WASF1: variants seen among roughly 807,000 people sequenced by gnomAD.
WASF1 encodes the protein actin-binding protein WASF1.
In WASF1, 7 loss-of-function variants were observed where a neutral mutation model predicts 50.5. That is an observed-to-expected ratio of 0.14 (90% CI 0.08 to 0.26). WASF1 has a LOEUF of 0.26. WASF1 is among the 10% of genes least tolerant of loss of function. The pLI is 1.00. For missense variants in WASF1, 470 were observed against 694.7 expected (o/e 0.68, Z 3.64); for synonymous variants, 205 against 244.0 (o/e 0.84, Z 1.49).
At chr6:110,164,887 G>T (rs531467497) in intron 2 of WASF1, among the ~76,000 whole-genome samples, 4 of 151,706 alleles carry the variant, frequency 2.6e-5, no homozygotes, top group East Asian at 1.9e-4. Flanking sequence ...ATCAAGCCAT[G>T]AAAATACATG....
chr6:110,119,353 G>C (rs1238816365), intron 4 of WASF1, among the ~76,000 whole-genome samples: 1 of 152,044 alleles, frequency 6.6e-6, no homozygotes, highest in Non-Finnish European at 1.5e-5. Context: ...AATGATAAAG[G>C]GGATATCACT....
At chr6:110,121,286 AT>A (rs1171618027) in intron 4 of WASF1, among the ~76,000 whole-genome samples, 1 of 152,236 alleles carries the variant, frequency 6.6e-6, no homozygotes, top group Non-Finnish European at 1.5e-5. Context: ...CAATCTACCC[AT>A]CTGACAAAGG....
At chr6:110,120,571 T>C (rs960241378) in intron 4 of WASF1, among the ~76,000 whole-genome samples, 5 of 152,192 alleles carry the variant, frequency 3.3e-5, no homozygotes, top group East Asian at 1.9e-4. Context: ...TCCATGTTCA[T>C]GGATAGGAAG....
chr6:110,169,440 G>C (rs1026019294), intron 2 of WASF1, among the ~76,000 whole-genome samples: 2 of 152,102 alleles, frequency 1.3e-5, no homozygotes, highest in African/African-American at 4.8e-5. Context: ...GCAAAGTACT[G>C]GATTCTCCAT....
At chr6:110,155,536 CTTTTTTTT>C (rs66645132) in intron 3 of WASF1, among the ~76,000 whole-genome samples, 7 of 45,974 alleles carry the variant, frequency 1.5e-4, no homozygotes, top group South Asian at 1.4e-3. Context: ...AAAGTGCCTT[CTTTTTTTT>C]TTTTTTTTTT....
intron 3 of WASF1, among the ~76,000 whole-genome samples, chr6:110,159,854 TGTG>T (rs1391081855): frequency 1.3e-5 from 2 of 151,880 alleles, no homozygotes; most frequent in Non-Finnish European, 2.9e-5. Context: ...ATTTTCCACT[TGTG>T]GTATCATGTT....
intron 4 of WASF1, among the ~76,000 whole-genome samples, chr6:110,119,493 G>A (rs956069128): frequency 3.9e-5 from 6 of 152,250 alleles, no homozygotes; most frequent in African/African-American, 1.4e-4. Context: ...AAACCAGGAA[G>A]AAGGTGAATC....
chr6:110,163,755 T>C (rs1418242671), intron 2 of WASF1, among the ~76,000 whole-genome samples: 1 of 151,364 alleles, frequency 6.6e-6, no homozygotes. Flanking sequence ...TTATAGAGAG[T>C]CAAAAGACCC....
intron 2 of WASF1, among the ~76,000 whole-genome samples, chr6:110,167,007 A>G (rs918886540): frequency 9.9e-5 from 15 of 151,940 alleles, no homozygotes; most frequent in South Asian, 2.1e-4. Context: ...TGGACCACAT[A>G]TATGTTGGTA....
chr6:110,122,956 G>A (rs1166520336), intron 4 of WASF1, among the ~76,000 whole-genome samples: 5 of 149,238 alleles, frequency 3.4e-5, no homozygotes, highest in Non-Finnish European at 7.4e-5. Flanking sequence ...ACAAAGTGGG[G>A]AAAAAAAAAG....
intron 5 of WASF1, among the ~76,000 whole-genome samples, chr6:110,109,440 C>G (rs75718101): frequency 0.073 from 11,098 of 152,138 alleles, 545 homozygotes; most frequent in African/African-American, 0.14. Context: ...AATTCTTACA[C>G]TGATATCCCG....
In WASF1 at chr6:110,101,712, A is replaced by T. The variant is rs762598369; in HGVS notation, c.1398T>A (p.His466Gln). ...HPTPSTAPGP[H>Q]VPLMPPSPPS... ...GAGGAGATGGAGGCATTAATGGAACATGGGGACCTGGGGCAGTAGATGGAG... is the reference window on the plus strand; with the variant it reads ...GAGGAGATGGAGGCATTAATGGAACTTGGGGACCTGGGGCAGTAGATGGAG... Residue 466 changes from histidine (H) to glutamine (Q), a missense_variant, in exon 10 of 11, where the codon CAT (histidine) becomes CAA (glutamine). By Grantham distance (24) the His-to-Gln change is conservative. This residue lies in a region of WASF1 where 294 missense variants were observed against 343.5 expected (regional missense o/e 0.86). Transcript: ENST00000392589. The T allele has an allele frequency of 6.2e-7, 1 of 1,614,020 alleles. No individual in the cohort carries two copies. The highest frequency in any genetic ancestry group is 8.5e-7 in the Non-Finnish European group (1 of 1,180,010).
intron 3 of WASF1, among the ~76,000 whole-genome samples, chr6:110,150,729 A>G (rs1370289406): frequency 6.6e-6 from 1 of 152,234 alleles, no homozygotes; most frequent in African/African-American, 2.4e-5. Context: ...CAAGGAACAA[A>G]TAAGTTCCTT....
chr6:110,128,020 C>T (rs930183590), intron 3 of WASF1, among the ~76,000 whole-genome samples: 2 of 151,958 alleles, frequency 1.3e-5, no homozygotes, highest in African/African-American at 4.8e-5. Flanking sequence ...GGCTTCTGGT[C>T]AACAGTAGTC....
intron 4 of WASF1, among the ~76,000 whole-genome samples, chr6:110,118,715 C>A (rs1468316403): frequency 1.3e-5 from 2 of 152,152 alleles, no homozygotes; most frequent in Admixed American, 6.5e-5. Flanking sequence ...CTACAGAACT[C>A]CACACCCCAA....
At chr6:110,155,636 CTGGTG>C (rs1776037488) in intron 3 of WASF1, among the ~76,000 whole-genome samples, 1 of 70,648 alleles carries the variant, frequency 1.4e-5, no homozygotes, top group Non-Finnish European at 2.5e-5. Context: ...ATGTGCCATG[CTGGTG>C]CGCTGCACCC....
Position 110,153,781 on chromosome 6 carries a change from G to A in WASF1, c.-29+6854C>T, listed in dbSNP as rs1308711952. Among the ~76,000 whole-genome samples, 6 of 149,566 alleles carry A rather than the reference G, an allele frequency of 4.0e-5. No homozygotes were observed. The Admixed American group carries it at 4.0e-4, about 10-fold the overall frequency. On this transcript the variant is annotated intron_variant, in intron 3 of 10. Coordinates refer to ENST00000392589, the MANE Select transcript of WASF1 (RefSeq NM_003931.3). ...TCCAGCCTGGGTGACACAAGATCCT[G>A]CCTCAAAAAAGAAAAAAAAAAAAGC...
chr6:110,146,105 A>T (rs1194091230), intron 3 of WASF1, among the ~76,000 whole-genome samples: 1 of 152,228 alleles, frequency 6.6e-6, no homozygotes, highest in African/African-American at 2.4e-5. Flanking sequence ...CACGTTGTGC[A>T]CATGTACCCT....
intron 3 of WASF1, among the ~76,000 whole-genome samples, chr6:110,137,252 T>TC (rs1456346501): frequency 1.3e-5 from 2 of 152,190 alleles, no homozygotes. Context: ...CCTTATATTT[T>TC]CCCCTTCAAA....
Sources: allele counts gnomAD v4.1 joint callset (sites outside exome capture counted in the v4.1 genomes callset), GRCh38; gene constraint gnomAD v4.1.1; regional missense constraint gnomAD v4.1.1; transcripts MANE v1.5; gene names NCBI Gene and HGNC (gene_info 2026-07-23, HGNC 2026-07-21).